ROBO1: variants seen among roughly 807,000 people sequenced by gnomAD.
The protein encoded by ROBO1 is roundabout homolog 1.
Under a neutral mutation model 195.9 loss-of-function variants are expected in ROBO1, and 149 were observed. The ratio of observed to expected loss-of-function variants is 0.76; its 90% CI spans 0.67 to 0.87. The LOEUF (loss-of-function observed/expected upper bound fraction) is 0.87. Ranked by LOEUF, ROBO1 falls within the 40% of genes least tolerant of loss-of-function variation. The pLI, the probability that ROBO1 is intolerant of heterozygous loss-of-function variation, is 0.00. For synonymous variants in ROBO1, 816 were observed against 733.2 expected, an observed-to-expected ratio of 1.11 and a Z score of -1.82; for missense variants, 1,933 against 2,068.3, an observed-to-expected ratio of 0.93 and a Z score of 1.27.
chr3:79,440,374 A>C (rs1326460734), intron 2 of ROBO1, among the ~76,000 whole-genome samples: 1 of 152,178 alleles, frequency 6.6e-6, no homozygotes, highest in Admixed American at 6.6e-5. Context: ...TCCTAAATAC[A>C]TCATGATCTT....
chr3:78,970,817 A>G (rs2076747980), intron 3 of ROBO1, among the ~76,000 whole-genome samples: 1 of 152,012 alleles, frequency 6.6e-6, no homozygotes, highest in South Asian at 2.1e-4. Flanking sequence ...GACTCACCCA[A>G]GTTTATTCAG....
chr3:79,759,679 C>A (rs942018853), intron 1 of ROBO1, among the ~76,000 whole-genome samples: 2 of 152,080 alleles, frequency 1.3e-5, no homozygotes, highest in East Asian at 3.9e-4. Context: ...AAACATAATC[C>A]GATTTTGTTT....
intron 3 of ROBO1, among the ~76,000 whole-genome samples, chr3:79,060,207 T>C (rs1431518515): frequency 6.6e-6 from 1 of 152,038 alleles, no homozygotes; most frequent in Non-Finnish European, 1.5e-5. Flanking sequence ...TGTCTGCTCT[T>C]GAACCCTGTT....
At chr3:79,264,331 T>TTATA (rs202055981) in intron 2 of ROBO1, among the ~76,000 whole-genome samples, 3 of 151,386 alleles carry the variant, frequency 2.0e-5, no homozygotes, top group African/African-American at 7.3e-5. Context: ...CTTTCTGAAT[T>TTATA]TATATATATA....
chr3:79,433,095 G>T (rs2038744697), intron 2 of ROBO1, among the ~76,000 whole-genome samples: 1 of 152,148 alleles, frequency 6.6e-6, no homozygotes, highest in African/African-American at 2.4e-5. Context: ...GTTCCATGGT[G>T]CCTTGCTGCA....
intron 2 of ROBO1, among the ~76,000 whole-genome samples, chr3:79,483,745 G>C (rs749785871): frequency 3.3e-5 from 5 of 152,074 alleles, no homozygotes; most frequent in Admixed American, 6.6e-5. Flanking sequence ...ATGTATGTGG[G>C]TCTATCATTG....
chr3:79,275,271 G>C (rs571028449), intron 2 of ROBO1, among the ~76,000 whole-genome samples: 5 of 151,966 alleles, frequency 3.3e-5, no homozygotes, highest in Non-Finnish European at 5.9e-5. Context: ...ACATATAAAA[G>C]ATCATTCATC....
chr3:78,702,071 T>C (rs922574462), intron 8 of ROBO1, among the ~76,000 whole-genome samples: 2 of 152,294 alleles, frequency 1.3e-5, no homozygotes, highest in Middle Eastern at 3.4e-3. Context: ...TAAAAAAGAA[T>C]TGCTTTGTAT....
At chr3:79,359,269 A>T (rs767366842) in intron 2 of ROBO1, among the ~76,000 whole-genome samples, 44 of 152,196 alleles carry the variant, frequency 2.9e-4, no homozygotes, top group Non-Finnish European at 5.6e-4. Flanking sequence ...GATAAACATC[A>T]AAAACATACC....
intron 4 of ROBO1, among the ~76,000 whole-genome samples, chr3:78,826,537 T>A (rs1195925091): frequency 6.6e-6 from 1 of 152,160 alleles, no homozygotes; most frequent in East Asian, 1.9e-4. Context: ...CGAGAGATGG[T>A]TGCATAAAAT....
At chr3:79,303,135 T>A (rs2109067157) in intron 2 of ROBO1, among the ~76,000 whole-genome samples, 1 of 151,844 alleles carries the variant, frequency 6.6e-6, no homozygotes, top group South Asian at 2.1e-4. Context: ...CTCTAGCTAA[T>A]TAATATATGA....
chr3:79,651,430 A>C (rs1217426983), intron 1 of ROBO1, among the ~76,000 whole-genome samples: 1 of 152,140 alleles, frequency 6.6e-6, no homozygotes, highest in Non-Finnish European at 1.5e-5. Flanking sequence ...TTTTAAAAGC[A>C]CCTATAACTA....
intron 4 of ROBO1, among the ~76,000 whole-genome samples, chr3:78,836,234 C>T (rs705097): frequency 2.6e-5 from 4 of 151,830 alleles, no homozygotes; most frequent in Non-Finnish European, 2.9e-5. Context: ...TTCTTCAGGC[C>T]GGGGGCAGTG....
intron 2 of ROBO1, among the ~76,000 whole-genome samples, chr3:79,284,264 GA>G: frequency 6.6e-6 from 1 of 151,970 alleles, no homozygotes; most frequent in Middle Eastern, 3.4e-3. Flanking sequence ...ATATTCAATA[GA>G]CATGCCCATT....
chr3:79,376,973 A>G (rs1223011298), intron 2 of ROBO1, among the ~76,000 whole-genome samples: 2 of 152,178 alleles, frequency 1.3e-5, no homozygotes, highest in Non-Finnish European at 2.9e-5. Context: ...ATGCAACCAC[A>G]GTACTGTTTG....
intron 2 of ROBO1, among the ~76,000 whole-genome samples, chr3:79,550,062 T>G (rs1157648127): frequency 6.6e-6 from 1 of 151,214 alleles, no homozygotes; most frequent in Non-Finnish European, 1.5e-5. Context: ...GACTTCAAGG[T>G]TGCAGTGAGC....
chr3:78,770,382 G>A (rs1475189401), intron 4 of ROBO1, among the ~76,000 whole-genome samples: 4 of 152,178 alleles, frequency 2.6e-5, no homozygotes, highest in African/African-American at 7.2e-5. Context: ...GATTAATGAT[G>A]TGGAGCATTT....
rs538507216 is a variant in ROBO1, at chr3:79,105,043, AT to A, written c.172+20412del. Reference sequence around the variant, plus strand: ...AGCTTAAGATGTATTAAAAACTGAAATGTAAAAAGTCCACCTATCAAGTTAA... The same window carrying A: ...AGCTTAAGATGTATTAAAAACTGAAAGTAAAAAGTCCACCTATCAAGTTAA... On this transcript the variant is annotated intron_variant, in intron 3 of 30. Coordinates refer to ENST00000464233, the MANE Select transcript of ROBO1 (RefSeq NM_002941.4). Among the ~76,000 whole-genome samples, 34 of 151,876 alleles carry A rather than the reference AT, an allele frequency of 2.2e-4. No homozygotes were observed. The East Asian group carries it at 4.8e-3, about 22-fold the overall frequency.
At chr3:79,148,566 T>C (rs1178774509) in intron 2 of ROBO1, among the ~76,000 whole-genome samples, 1 of 151,760 alleles carries the variant, frequency 6.6e-6, no homozygotes, top group Non-Finnish European at 1.5e-5. Context: ...ATAGGAGAAA[T>C]AGACAAAGCC....
Sources: allele counts gnomAD v4.1 joint callset (sites outside exome capture counted in the v4.1 genomes callset), GRCh38; gene constraint gnomAD v4.1.1; transcripts MANE v1.5; gene names NCBI Gene and HGNC (gene_info 2026-07-23, HGNC 2026-07-21).